SH3D19: variants seen among roughly 807,000 people sequenced by gnomAD.
SH3D19 encodes SH3 domain-containing protein 19.
In SH3D19, 58 loss-of-function variants were observed where a neutral mutation model predicts 112.1. The ratio of observed to expected loss-of-function variants is 0.52; its 90% CI spans 0.42 to 0.64. The LOEUF (loss-of-function observed/expected upper bound fraction) is 0.64, where lower values mean the gene tolerates loss of function less well. Ranked by LOEUF, SH3D19 falls within the 30% of genes least tolerant of loss-of-function variation. The probability of loss-of-function intolerance (pLI) is 0.00; values close to 1 mark genes in which losing one functional copy is unlikely to be tolerated. For synonymous variants in SH3D19, 391 were observed against 448.5 expected (o/e 0.87, Z 1.62); for missense variants, 1,090 against 1,263.4 (o/e 0.86, Z 2.08).
At chr4:151,292,031 A>G (rs1304574396) in intron 1 of SH3D19, among the ~76,000 whole-genome samples, 1 of 152,254 alleles carries the variant, frequency 6.6e-6, no homozygotes, top group Admixed American at 6.5e-5. Context: ...AACATGGGTC[A>G]GGCATGTTGG....
chr4:151,298,382 T>C (rs1775846750), intron 1 of SH3D19, among the ~76,000 whole-genome samples: 1 of 151,994 alleles, frequency 6.6e-6, no homozygotes, highest in Non-Finnish European at 1.5e-5. Flanking sequence ...TTCACCATGT[T>C]GGCTAGGATG....
intron 9 of SH3D19, among the ~76,000 whole-genome samples, chr4:151,151,961 T>C (rs971414996): frequency 3.3e-5 from 5 of 152,212 alleles, no homozygotes; most frequent in African/African-American, 7.2e-5. Flanking sequence ...ATGCACAGCA[T>C]ATGACCCTAA....
intron 13 of SH3D19, among the ~76,000 whole-genome samples, chr4:151,138,886 G>A (rs1050777233): frequency 2.6e-5 from 4 of 152,174 alleles, no homozygotes; most frequent in East Asian, 3.9e-4. Flanking sequence ...AGGGTGCAAC[G>A]GCACAATCTT....
At chr4:151,275,725 T>C (rs943686562) in intron 1 of SH3D19, among the ~76,000 whole-genome samples, 1 of 152,002 alleles carries the variant, frequency 6.6e-6, no homozygotes, top group African/African-American at 2.4e-5. Flanking sequence ...CTCACTGTAT[T>C]GCCCAGGCTG....
At chr4:151,155,212 CT>C (rs1411019688) in intron 9 of SH3D19, among the ~76,000 whole-genome samples, 1 of 152,234 alleles carries the variant, frequency 6.6e-6, no homozygotes, top group African/African-American at 2.4e-5. Context: ...TCTCAAGCAA[CT>C]TTTCCTCCAA....
intron 11 of SH3D19, 197 bp from the exon 12 acceptor site, chr4:151,144,247 A>C (rs141716968): frequency 5.6e-6 from 9 of 1,613,966 alleles, no homozygotes; most frequent in Non-Finnish European, 7.6e-6. Context: ...CGGGGTTTTG[A>C]GAGACAATAT....
chr4:151,134,285 ATGAATTCTATTAATTTGCTCAT>A (rs558668231), intron 15 of SH3D19, among the ~76,000 whole-genome samples: 205 of 152,330 alleles, frequency 1.3e-3, no homozygotes, highest in Non-Finnish European at 2.0e-3. Flanking sequence ...TCAGCAGGTA[ATGAATTCTATTAATTTGCTCAT>A]TTAACTAGAA....
intron 1 of SH3D19, among the ~76,000 whole-genome samples, chr4:151,267,292 G>A (rs1017714708): frequency 2.0e-5 from 3 of 151,802 alleles, no homozygotes; most frequent in South Asian, 2.1e-4. Context: ...CTGTGATTGC[G>A]CCACTACACT....
chr4:151,268,382 A>G (rs534221283), intron 1 of SH3D19, among the ~76,000 whole-genome samples: 6 of 152,286 alleles, frequency 3.9e-5, no homozygotes, highest in South Asian at 2.1e-4. Flanking sequence ...CGCCTAGGAC[A>G]TGATAGTACA....
At chr4:151,143,062 C>A (rs185399418) in intron 12 of SH3D19, among the ~76,000 whole-genome samples, 176 of 152,104 alleles carry the variant, frequency 1.2e-3, no homozygotes, top group African/African-American at 3.8e-3. Context: ...CATAGTGAGA[C>A]CCTGTCTCTA....
chr4:151,320,088 AC>A (rs1234576299), intron 1 of SH3D19, among the ~76,000 whole-genome samples: 1 of 152,256 alleles, frequency 6.6e-6, no homozygotes, highest in Non-Finnish European at 1.5e-5. Flanking sequence ...CACCTGGTAC[AC>A]CGTGAACACA....
Position 151,176,478 on chromosome 4 carries a change from C to T in SH3D19, c.529+56G>A, listed in dbSNP as rs191799304. On this transcript the variant is annotated intron_variant, in intron 6 of 19. Coordinates refer to ENST00000604030, the MANE Select transcript of SH3D19 (RefSeq NM_001378122.1). Reference sequence around the variant, plus strand: ...AATTATTTTAAAGGCTGGAAGCCTACGGATTACTTCCCTAGAACTAGGTCA... The same window carrying T: ...AATTATTTTAAAGGCTGGAAGCCTATGGATTACTTCCCTAGAACTAGGTCA... The T allele has an allele frequency of 2.2e-5, 27 of 1,214,352 alleles. No individual in the cohort carries two copies. The East Asian group carries it at 3.8e-4, about 17-fold the overall frequency. 75.2% of individuals were successfully genotyped at this position (1,214,352 alleles called of 1,614,324 possible). A position where few individuals can be genotyped will look rare whatever the true frequency, so the allele number is the denominator to read the frequency against.
intron 2 of SH3D19, among the ~76,000 whole-genome samples, chr4:151,210,291 T>A (rs530893604): frequency 6.6e-6 from 1 of 152,032 alleles, no homozygotes; most frequent in South Asian, 2.1e-4. Context: ...AAATGTCTGA[T>A]AATAGAAAAA....
intron 1 of SH3D19, among the ~76,000 whole-genome samples, chr4:151,268,840 T>C (rs1466890426): frequency 3.2e-4 from 49 of 151,472 alleles, no homozygotes; most frequent in Middle Eastern, 3.4e-3. Flanking sequence ...CAGTCTATCA[T>C]TGTTGGACAT....
At chr4:151,222,585 G>T (rs922797979) in intron 2 of SH3D19, among the ~76,000 whole-genome samples, 7 of 144,174 alleles carry the variant, frequency 4.9e-5, no homozygotes, top group Admixed American at 2.1e-4. Context: ...CTTTTTTAAA[G>T]TTGGGATTTT....
chr4:151,153,438 G>C (rs1459720218), intron 9 of SH3D19, among the ~76,000 whole-genome samples: 1 of 151,668 alleles, frequency 6.6e-6, no homozygotes, highest in Non-Finnish European at 1.5e-5. Context: ...TAGAGATGGG[G>C]GTTTCACCAT....
intron 19 of SH3D19, among the ~76,000 whole-genome samples, chr4:151,123,023 T>C (rs1379784920): frequency 6.6e-6 from 1 of 152,070 alleles, no homozygotes; most frequent in Non-Finnish European, 1.5e-5. Context: ...AGCTATTTTT[T>C]GTATTTTTAG....
chr4:151,254,400 T>C lies in SH3D19; in HGVS notation c.113-28314A>G, dbSNP rs920530383. Among the ~76,000 whole-genome samples the C allele has an allele frequency of 8.7e-5, 13 of 150,162 alleles. No individual in the cohort carries two copies. The East Asian group carries it at 1.9e-3, about 22-fold the overall frequency. On this transcript the variant is annotated intron_variant, in intron 1 of 19. Transcript: ENST00000604030. Reference sequence around the variant, plus strand: ...ATTTGGCAGGGTCATAGGACAATAGTGGAGGGAAGGTCAGCAGATAAACAA... The same window carrying C: ...ATTTGGCAGGGTCATAGGACAATAGCGGAGGGAAGGTCAGCAGATAAACAA...
chr4:151,197,243 C>T (rs532549870), intron 2 of SH3D19, among the ~76,000 whole-genome samples: 6 of 152,318 alleles, frequency 3.9e-5, no homozygotes, highest in Admixed American at 2.6e-4. Flanking sequence ...ACCAAGACAT[C>T]TAATGCCTAT....
Sources: allele counts gnomAD v4.1 joint callset (sites outside exome capture counted in the v4.1 genomes callset), GRCh38; gene constraint gnomAD v4.1.1; transcripts MANE v1.5; gene names NCBI Gene and HGNC (gene_info 2026-07-23, HGNC 2026-07-21).